Variants in ATRNL1 observed in about 807,000 individuals in gnomAD.
ATRNL1 encodes the protein attractin like 1.
Under a neutral mutation model 182.7 loss-of-function variants are expected in ATRNL1, and 95 were observed. That is an observed-to-expected ratio of 0.52 (90% CI 0.44 to 0.62). ATRNL1 has a LOEUF of 0.62. ATRNL1 is among the 20% of genes least tolerant of loss of function. The pLI is 0.00. For missense variants in ATRNL1, 1,471 were observed against 1,679.5 expected, an observed-to-expected ratio of 0.88 and a Z score of 2.17; for synonymous variants, 576 against 568.3, an observed-to-expected ratio of 1.01 and a Z score of -0.19.
chr10:115,892,056 C>G (rs1166597590), intron 28 of ATRNL1, among the ~76,000 whole-genome samples: 1 of 152,128 alleles, frequency 6.6e-6, no homozygotes, highest in East Asian at 1.9e-4. Context: ...CAAGATTCTA[C>G]TGAGTCTGCT....
chr10:115,539,919 C>G (rs73373356), intron 25 of ATRNL1, among the ~76,000 whole-genome samples: 2 of 140,940 alleles, frequency 1.4e-5, no homozygotes, highest in African/African-American at 2.7e-5. Flanking sequence ...AAGTAGAGCC[C>G]ACAAATCCAG....
At chr10:115,094,660 AATT>A (rs2084968225) in intron 1 of ATRNL1, among the ~76,000 whole-genome samples, 1 of 152,156 alleles carries the variant, frequency 6.6e-6, no homozygotes, top group African/African-American at 2.4e-5. Flanking sequence ...GAGTTGCTAG[AATT>A]ATTATGCTGG....
chr10:115,419,210 T>C (rs1235946696), intron 20 of ATRNL1, among the ~76,000 whole-genome samples: 2 of 152,194 alleles, frequency 1.3e-5, no homozygotes, highest in Non-Finnish European at 2.9e-5. Flanking sequence ...TTTTTATTGG[T>C]TTAAAATAAC....
intron 26 of ATRNL1, among the ~76,000 whole-genome samples, chr10:115,593,886 T>C (rs17093331): frequency 0.019 from 2,962 of 152,244 alleles, 64 homozygotes; most frequent in East Asian, 0.12. Context: ...ATCTTATTTT[T>C]TCTACAGGTA....
At chr10:115,883,950 A>AG (rs1951885743) in intron 28 of ATRNL1, among the ~76,000 whole-genome samples, 8 of 152,160 alleles carry the variant, frequency 5.3e-5, no homozygotes, top group African/African-American at 1.9e-4. Context: ...CTTGGTGTCC[A>AG]CTCTGCTCAT....
chr10:115,317,032 GT>G (rs542941096), intron 18 of ATRNL1, among the ~76,000 whole-genome samples: 2 of 152,006 alleles, frequency 1.3e-5, no homozygotes, highest in Non-Finnish European at 2.9e-5. Flanking sequence ...TTCTTCTAGG[GT>G]TTTTTATGGT....
At chr10:115,186,401 T>G (rs782578395) in intron 8 of ATRNL1, among the ~76,000 whole-genome samples, 9 of 152,054 alleles carry the variant, frequency 5.9e-5, no homozygotes, top group Non-Finnish European at 1.0e-4. Flanking sequence ...CGAAGAGATA[T>G]CTACACTCCC....
chr10:115,192,720 T>A (rs797031562), intron 8 of ATRNL1, among the ~76,000 whole-genome samples: 1 of 152,010 alleles, frequency 6.6e-6, no homozygotes, highest in South Asian at 2.1e-4. Context: ...ATCCGTTTTT[T>A]TGTGTATTCT....
intron 18 of ATRNL1, among the ~76,000 whole-genome samples, chr10:115,327,469 C>G (rs1854961447): frequency 6.6e-6 from 1 of 151,270 alleles, no homozygotes; most frequent in South Asian, 2.1e-4. Context: ...GAAATAGGAA[C>G]ACTTTTACAC....
intron 26 of ATRNL1, among the ~76,000 whole-genome samples, chr10:115,570,266 C>G (rs1194916089): frequency 6.6e-6 from 1 of 152,086 alleles, no homozygotes; most frequent in African/African-American, 2.4e-5. Context: ...CTGGCCTCTG[C>G]CATCTCTTTT....
At chr10:115,210,244 T>C (rs1477609028) in intron 8 of ATRNL1, among the ~76,000 whole-genome samples, 1 of 152,006 alleles carries the variant, frequency 6.6e-6, no homozygotes, top group Non-Finnish European at 1.5e-5. Context: ...TTTTCTCTCA[T>C]AGAAACATCT....
At chr10:115,904,732 T>C (rs1223783004) in intron 28 of ATRNL1, among the ~76,000 whole-genome samples, 3 of 152,228 alleles carry the variant, frequency 2.0e-5, no homozygotes, top group African/African-American at 4.8e-5. Context: ...TAAGTTTGAA[T>C]ACAAACTCCC....
intron 27 of ATRNL1, among the ~76,000 whole-genome samples, chr10:115,731,594 G>T (rs1947798895): frequency 6.7e-6 from 1 of 150,222 alleles, no homozygotes; most frequent in African/African-American, 2.4e-5. Context: ...TATTTTTATG[G>T]AAATAGCTTT....
At chr10:115,390,986 T>C (rs1252914644) in intron 19 of ATRNL1, among the ~76,000 whole-genome samples, 2 of 152,240 alleles carry the variant, frequency 1.3e-5, no homozygotes, top group African/African-American at 2.4e-5. Flanking sequence ...GATTTTTGTA[T>C]GTTGATTTTG....
At chr10:115,251,921 T>A (rs1850894798) in intron 10 of ATRNL1, among the ~76,000 whole-genome samples, 1 of 152,196 alleles carries the variant, frequency 6.6e-6, no homozygotes. Context: ...CCTAATCCAA[T>A]CATAAGGTTC....
At chr10:115,683,548 G>GTTTT (rs59383182) in intron 26 of ATRNL1, among the ~76,000 whole-genome samples, 16,872 of 110,566 alleles carry the variant, frequency 0.15, 2,803 homozygotes, top group South Asian at 0.21. Context: ...GAGAACTAGC[G>GTTTT]TTTTTTTTTT....
Position 115,300,111 on chromosome 10 carries a change from C to T in ATRNL1, c.2493C>T (p.Asn831=). 6.2e-7 allele frequency: 1 copy of T among 1,614,008 alleles called. No homozygotes were observed. The highest frequency in any genetic ancestry group is 1.1e-5 in the South Asian group (1 of 91,082). The change falls in exon 16 of 29, where the codon AAC becomes AAT. Residue 831 remains asparagine, a synonymous_variant. Coordinates refer to ENST00000355044, the MANE Select transcript of ATRNL1 (RefSeq NM_207303.4). ...WGWEDMSPFT[N]TTLQWLPGEP... ...GGGAAGACATGTCTCCTTTTACAAA[C>T]ACAACACTACAGTGGCTTCCTGGCG...
chr10:115,309,958 C>A (rs1217697390), intron 17 of ATRNL1, among the ~76,000 whole-genome samples: 1 of 152,018 alleles, frequency 6.6e-6, no homozygotes, highest in Non-Finnish European at 1.5e-5. Flanking sequence ...TTCAACATTT[C>A]CCCATTCACT....
At chr10:115,163,659 C>G (rs1846907183) in intron 6 of ATRNL1, among the ~76,000 whole-genome samples, 3 of 152,246 alleles carry the variant, frequency 2.0e-5, no homozygotes, top group South Asian at 2.1e-4. Flanking sequence ...AGCTACCGTG[C>G]CTGGCCTGGA....
Sources: allele counts gnomAD v4.1 joint callset (sites outside exome capture counted in the v4.1 genomes callset), GRCh38; gene constraint gnomAD v4.1.1; transcripts MANE v1.5; gene names NCBI Gene and HGNC (gene_info 2026-07-23, HGNC 2026-07-21).